Variants in SCFD2 observed in about 807,000 individuals in gnomAD.
SCFD2 encodes the protein sec1 family domain containing 2, also known as sec1 family domain-containing protein 2.
SCFD2 carries 54 observed loss-of-function variants against 58.9 expected under a neutral mutation model. The ratio of observed to expected loss-of-function variants is 0.92; its 90% CI spans 0.74 to 1.15. The LOEUF (loss-of-function observed/expected upper bound fraction) is 1.15, where lower values mean the gene tolerates loss of function less well. Ranked by LOEUF, SCFD2 falls within the 50% of genes most tolerant of loss-of-function variation. The pLI is 0.00. For missense variants in SCFD2, 805 were observed against 836.6 expected, an observed-to-expected ratio of 0.96 and a Z score of 0.47; for synonymous variants, 321 against 335.9, an observed-to-expected ratio of 0.96 and a Z score of 0.49.
rs1160326894 is a variant in SCFD2 at position 52,907,712 on chromosome 4, G to A, written c.1708-121C>T. On this transcript the variant is annotated intron_variant, in intron 6 of 8. Coordinates refer to ENST00000401642, the MANE Select transcript of SCFD2 (RefSeq NM_152540.4). Reference sequence around the variant, plus strand: ...TTGATACTGAGCAATGCCTATATGTGTGTGTGTGTGTGTGTGTGTGTGTGT... The same window carrying A: ...TTGATACTGAGCAATGCCTATATGTATGTGTGTGTGTGTGTGTGTGTGTGT... 8 of 422,898 alleles carry A rather than the reference G, an allele frequency of 1.9e-5. No homozygotes were observed. The East Asian group carries it at 2.0e-4, about 11-fold the overall frequency. 26.2% of individuals were successfully genotyped at this position (422,898 alleles called of 1,614,324 possible). A position where few individuals can be genotyped will look rare whatever the true frequency, so the allele number is the denominator to read the frequency against.
chr4:53,335,937 C>T (rs1012423003), intron 2 of SCFD2, among the ~76,000 whole-genome samples: 3 of 152,132 alleles, frequency 2.0e-5, no homozygotes, highest in African/African-American at 7.2e-5. Context: ...ATTAAAAATG[C>T]TCTGAGTAAT....
intron 4 of SCFD2, among the ~76,000 whole-genome samples, chr4:53,203,263 T>G (rs1728307266): frequency 6.6e-6 from 1 of 152,176 alleles, no homozygotes; most frequent in South Asian, 2.1e-4. Context: ...TCAAAGGCCT[T>G]TTCTGCATCT....
At chr4:52,949,602 T>C (rs1720533752) in intron 5 of SCFD2, 2 of 152,218 alleles carry the variant, frequency 1.3e-5, no homozygotes, top group Admixed American at 6.5e-5. Flanking sequence ...ACAGTGTTAC[T>C]GAGAGGCACA....
chr4:53,162,910 G>C (rs1726897761), intron 4 of SCFD2, among the ~76,000 whole-genome samples: 1 of 152,032 alleles, frequency 6.6e-6, no homozygotes, highest in Non-Finnish European at 1.5e-5. Flanking sequence ...GCTGTCTGTA[G>C]AAATGAGGGC....
At chr4:52,929,589 G>A (rs763093836) in intron 5 of SCFD2, among the ~76,000 whole-genome samples, 9 of 152,150 alleles carry the variant, frequency 5.9e-5, no homozygotes, top group Non-Finnish European at 1.0e-4. Flanking sequence ...GAAGCCTGAA[G>A]GAAGGAAAAC....
chr4:53,180,162 C>T (rs942283253), intron 4 of SCFD2, among the ~76,000 whole-genome samples: 5 of 152,156 alleles, frequency 3.3e-5, no homozygotes, highest in African/African-American at 9.7e-5. Context: ...TAATAGACAT[C>T]GACAGAAGTC....
chr4:53,083,709 ACAG>A (rs1724218038), intron 5 of SCFD2, among the ~76,000 whole-genome samples: 1 of 152,202 alleles, frequency 6.6e-6, no homozygotes, highest in African/African-American at 2.4e-5. Context: ...GAGGAATTTT[ACAG>A]CTGGGCCGCC....
intron 5 of SCFD2, among the ~76,000 whole-genome samples, chr4:52,965,581 C>T (rs1720945225): frequency 6.6e-6 from 1 of 152,242 alleles, no homozygotes; most frequent in Non-Finnish European, 1.5e-5. Context: ...GACATTTCAG[C>T]TCCCAGAGGG....
At chr4:52,896,436 G>A (rs867778327) in intron 7 of SCFD2, among the ~76,000 whole-genome samples, 7 of 150,978 alleles carry the variant, frequency 4.6e-5, no homozygotes, top group South Asian at 2.1e-4. Flanking sequence ...CCCATTGCTT[G>A]TTTTTGTCAG....
chr4:52,917,769 G>A (rs1448190515), intron 6 of SCFD2, among the ~76,000 whole-genome samples: 3 of 152,186 alleles, frequency 2.0e-5, no homozygotes, highest in Admixed American at 6.5e-5. Flanking sequence ...TTATATGCTC[G>A]ATGTAACGCA....
chr4:53,208,190 T>C (rs1265890291), intron 4 of SCFD2, among the ~76,000 whole-genome samples: 9 of 151,916 alleles, frequency 5.9e-5, no homozygotes, highest in African/African-American at 2.4e-5. Flanking sequence ...TTTCCCAGTC[T>C]GGTCTCAAAT....
intron 5 of SCFD2, 152 bp from the exon 6 acceptor site, chr4:52,921,022 G>A (rs1374034348): frequency 2.4e-5 from 10 of 418,000 alleles, no homozygotes; most frequent in Non-Finnish European, 2.8e-5. Flanking sequence ...TCCTCTGGCT[G>A]TTTACCAACT....
At chr4:53,021,939 C>G (rs1722359537) in intron 5 of SCFD2, among the ~76,000 whole-genome samples, 2 of 152,146 alleles carry the variant, frequency 1.3e-5, no homozygotes, top group South Asian at 4.1e-4. Context: ...GAAAACATTA[C>G]TGAGCCAGTT....
intron 5 of SCFD2, among the ~76,000 whole-genome samples, chr4:53,093,164 T>C (rs1280406392): frequency 6.6e-6 from 1 of 152,160 alleles, no homozygotes; most frequent in Non-Finnish European, 1.5e-5. Flanking sequence ...TTTGACTTTT[T>C]TTTGCTGACT....
chr4:53,138,820 A>T (rs963464450), intron 5 of SCFD2, among the ~76,000 whole-genome samples: 1 of 152,198 alleles, frequency 6.6e-6, no homozygotes, highest in Non-Finnish European at 1.5e-5. Context: ...TGTCAAAAGT[A>T]AACTACATAT....
intron 5 of SCFD2, among the ~76,000 whole-genome samples, chr4:53,080,607 T>A (rs2148857445): frequency 6.6e-6 from 1 of 152,162 alleles, no homozygotes; most frequent in African/African-American, 2.4e-5. Flanking sequence ...TAGGCCTTTC[T>A]CTCTCTGGCC....
At chr4:52,968,158 A>G (rs971785569) in intron 5 of SCFD2, among the ~76,000 whole-genome samples, 1 of 152,136 alleles carries the variant, frequency 6.6e-6, no homozygotes, top group Admixed American at 6.5e-5. Context: ...TGCTCATTCC[A>G]TTTCTAAAGT....
chr4:53,219,758 C>T (rs1431325255), intron 4 of SCFD2, among the ~76,000 whole-genome samples: 4 of 152,178 alleles, frequency 2.6e-5, no homozygotes. Flanking sequence ...GGAGCTGTTC[C>T]TATTCGGCCC....
intron 5 of SCFD2, among the ~76,000 whole-genome samples, chr4:53,036,663 G>T (rs1722767745): frequency 6.6e-6 from 1 of 151,878 alleles, no homozygotes. Context: ...TGGACATAGG[G>T]AGGGGAACAT....
Sources: gnomAD v4.1 joint callset for allele counts (sites outside exome capture counted in the v4.1 genomes callset) on GRCh38, gnomAD v4.1.1 for gene constraint, MANE v1.5 for transcripts, NCBI Gene and HGNC (gene_info 2026-07-23, HGNC 2026-07-21) for gene names.